Variants in EPHX2 observed in about 807,000 individuals in gnomAD.
EPHX2 encodes the protein epoxide hydrolase 2.
Under a neutral mutation model 78.7 loss-of-function variants are expected in EPHX2, and 74 were observed. The observed-to-expected ratio is 0.94, with a 90% confidence interval of 0.78 to 1.14. The LOEUF is 1.14. Among genes scored for constraint, EPHX2 ranks in the 50% most tolerant of loss-of-function variants. The pLI, the probability that EPHX2 is intolerant of heterozygous loss-of-function variation, is 0.00. For missense variants in EPHX2, 715 were observed against 702.5 expected (o/e 1.02, Z -0.20); for synonymous variants, 251 against 255.2 (o/e 0.98, Z 0.16).
intron 12 of EPHX2, among the ~76,000 whole-genome samples, chr8:27,531,574 G>A (rs1815043270): frequency 6.6e-6 from 1 of 152,214 alleles, no homozygotes; most frequent in Admixed American, 6.5e-5. Flanking sequence ...GGTAGACGGA[G>A]CATGAAACAG....
At chr8:27,535,890 A>T (rs1815195266) in intron 12 of EPHX2, among the ~76,000 whole-genome samples, 1 of 151,950 alleles carries the variant, frequency 6.6e-6, no homozygotes, top group Non-Finnish European at 1.5e-5. Context: ...CCCCTCCCCC[A>T]TCCTTTGGTC....
intron 12 of EPHX2, among the ~76,000 whole-genome samples, chr8:27,527,941 C>T (rs1814904599): frequency 6.6e-6 from 1 of 152,172 alleles, no homozygotes; most frequent in East Asian, 1.9e-4. Flanking sequence ...AGACCAGGTA[C>T]ATGATTGGGT....
At chr8:27,501,386 T>TCTTCTA (rs1813788207) in intron 2 of EPHX2, among the ~76,000 whole-genome samples, 1 of 88,204 alleles carries the variant, frequency 1.1e-5, no homozygotes, top group Admixed American at 1.0e-4. Flanking sequence ...TTCTTCTTCT[T>TCTTCTA]CTTCTTCTTT....
Position 27,522,484 on chromosome 8 carries a change from C to T in EPHX2, c.1034C>T (p.Ala345Val), listed in dbSNP as rs771954757. ...GGTGGCATGCTGGTGTGGTACATGG[C>T]TCTCTTCTACCCCGAGAGAGTGAGG... is the stretch of plus-strand genomic sequence containing the variant. ...DWGGMLVWYM[A>V]LFYPERVRAV... Residue 345 changes from alanine (A) to valine (V), a missense_variant, in exon 11 of 19, where the codon GCT (alanine) becomes GTT (valine). Physicochemically the swap from Ala to Val is moderately conservative, Grantham distance 64 (BLOSUM62 0). Transcript: ENST00000521400. The T allele has an allele frequency of 1.4e-5, 22 of 1,614,066 alleles. No homozygotes were observed. The Admixed American group carries it at 3.7e-4, about 27-fold the overall frequency.
At chr8:27,526,473 G>T (rs1563356317) in intron 12 of EPHX2, among the ~76,000 whole-genome samples, 2 of 152,216 alleles carry the variant, frequency 1.3e-5, no homozygotes, top group African/African-American at 2.4e-5. Flanking sequence ...CTGAATGAAA[G>T]CACAATGTCC....
At position 27,525,384 on chromosome 8, in the gene EPHX2, CCCTT is replaced by C; in HGVS notation, c.1083_1086del (p.Phe362TyrfsTer39). On this transcript the variant is annotated frameshift_variant, in exon 12 of 19. Transcript: ENST00000521400. LOFTEE classifies it high-confidence loss of function. The stretch of plus-strand genomic sequence containing the variant: ...TAGGGCGGTGGCCAGTTTGAATACT[CCCTT>C]CATACCAGCAAATCCCAACATGTCC... 6.2e-7 allele frequency: 1 copy of C among 1,614,122 alleles called. No homozygotes were observed. The highest frequency in any genetic ancestry group is 8.5e-7 in the Non-Finnish European group (1 of 1,180,020).
chr8:27,542,922 G>T (rs931272236), intron 16 of EPHX2, among the ~76,000 whole-genome samples: 2 of 152,004 alleles, frequency 1.3e-5, no homozygotes, highest in African/African-American at 4.8e-5. Flanking sequence ...GATGACAGGC[G>T]TGAGCCACTG....
intron 13 of EPHX2, among the ~76,000 whole-genome samples, chr8:27,538,214 G>A (rs1815274058): frequency 6.6e-6 from 1 of 152,156 alleles, no homozygotes; most frequent in Admixed American, 6.5e-5. Context: ...TTATCATCAT[G>A]AGGGGATTTT....
intron 10 of EPHX2, 81 bp from the exon 11 acceptor site, chr8:27,522,342 G>A (rs1814678281): frequency 7.1e-7 from 1 of 1,399,698 alleles, no homozygotes. Context: ...TGGTGTCGAG[G>A]GGCTGGCTGA....
At chr8:27,496,563 AG>A (rs1489804955) in intron 1 of EPHX2, among the ~76,000 whole-genome samples, 1 of 152,196 alleles carries the variant, frequency 6.6e-6, no homozygotes, top group African/African-American at 2.4e-5. Flanking sequence ...CTGGATATAG[AG>A]GAATTACTGC....
intron 10 of EPHX2, among the ~76,000 whole-genome samples, chr8:27,521,265 C>T (rs1414549495): frequency 6.6e-6 from 1 of 152,192 alleles, no homozygotes; most frequent in African/African-American, 2.4e-5. Flanking sequence ...ACTCCTAAAA[C>T]CTCCTGTTTG....
intron 6 of EPHX2, among the ~76,000 whole-genome samples, chr8:27,514,433 T>C (rs145652776): frequency 1.8e-4 from 28 of 152,334 alleles, no homozygotes; most frequent in African/African-American, 6.7e-4. Context: ...GCATTTCCTT[T>C]AGGATCGTGG....
intron 5 of EPHX2, among the ~76,000 whole-genome samples, 172 bp downstream of exon 5, chr8:27,507,166 G>A (rs1270654117): frequency 6.6e-6 from 1 of 152,246 alleles, no homozygotes; most frequent in Non-Finnish European, 1.5e-5. Flanking sequence ...TCCCTAAGGA[G>A]CATCTTGCCT....
intron 6 of EPHX2, among the ~76,000 whole-genome samples, chr8:27,514,142 A>AC (rs113136720): frequency 0.032 from 4,907 of 151,960 alleles, 222 homozygotes; most frequent in African/African-American, 0.1. Flanking sequence ...ACATAGTGAG[A>AC]CCCCCCATCT....
intron 2 of EPHX2, 149 bp downstream of exon 2, chr8:27,501,159 C>A: frequency 1.6e-6 from 1 of 614,856 alleles, no homozygotes; most frequent in Non-Finnish European, 2.8e-6. Context: ...GGGAGTATTG[C>A]AGTCACCTTA....
intron 6 of EPHX2, among the ~76,000 whole-genome samples, chr8:27,514,330 T>G (rs1215455484): frequency 6.6e-6 from 1 of 152,140 alleles, no homozygotes; most frequent in Non-Finnish European, 1.5e-5. Flanking sequence ...AAAAGAAACT[T>G]CCAGTGTGGG....
At chr8:27,512,101 A>T in intron 6 of EPHX2, 191 bp downstream of exon 6, 105 of 155,810 alleles carry the variant, frequency 6.7e-4, no homozygotes, top group Middle Eastern at 2.7e-3. Context: ...CTGTCTCAAG[A>T]AAAAAAAAAA....
chr8:27,510,536 G>A (rs938806571), intron 5 of EPHX2, among the ~76,000 whole-genome samples: 4 of 152,208 alleles, frequency 2.6e-5, no homozygotes, highest in Admixed American at 2.6e-4. Context: ...ATACAGTGAA[G>A]TCCTAACCTC....
chr8:27,518,130 C>A, intron 9 of EPHX2, 58 bp downstream of exon 9: 1 of 1,460,470 alleles, frequency 6.8e-7, no homozygotes, highest in Non-Finnish European at 9.4e-7. Flanking sequence ...GCTATAAACC[C>A]GAAGCTGGGG....
Sources: gnomAD v4.1 joint callset for allele counts (sites outside exome capture counted in the v4.1 genomes callset) on GRCh38, gnomAD v4.1.1 for gene constraint, MANE v1.5 for transcripts, NCBI Gene and HGNC (gene_info 2026-07-23, HGNC 2026-07-21) for gene names.